Variants in IL23R observed in about 807,000 individuals in gnomAD.
IL23R encodes interleukin-23 receptor.
A neutral mutation model predicts 56.9 loss-of-function variants in IL23R; 34 were observed. The ratio of observed to expected loss-of-function variants is 0.60; its 90% CI spans 0.45 to 0.80. The LOEUF is 0.80. Ranked by LOEUF, IL23R falls within the 30% of genes least tolerant of loss-of-function variation. The probability of loss-of-function intolerance (pLI) is 0.00; values close to 1 mark genes in which losing one functional copy is unlikely to be tolerated. For synonymous variants in IL23R, 230 were observed against 249.2 expected (o/e 0.92, Z 0.73); for missense variants, 635 against 730.0 (o/e 0.87, Z 1.50).
At chr1:67,218,948 A>AT (rs1650054056) in intron 6 of IL23R, among the ~76,000 whole-genome samples, 1 of 151,166 alleles carries the variant, frequency 6.6e-6, no homozygotes. Context: ...TAAAATAAAA[A>AT]ATATATATAT....
intron 1 of IL23R, among the ~76,000 whole-genome samples, chr1:67,141,174 T>G (rs1646633860): frequency 6.6e-6 from 1 of 152,204 alleles, no homozygotes; most frequent in South Asian, 2.1e-4. Context: ...AGACAAAGTA[T>G]AAGTCTCTGT....
intron 7 of IL23R, among the ~76,000 whole-genome samples, chr1:67,228,519 A>G (rs2201841): frequency 0.29 from 43,236 of 151,464 alleles, 7,312 homozygotes; most frequent in East Asian, 0.72. Context: ...TTTTTCTTGA[A>G]GTCATCATCT....
At chr1:67,193,083 C>G (rs1382224087) in intron 4 of IL23R, among the ~76,000 whole-genome samples, 2 of 152,182 alleles carry the variant, frequency 1.3e-5, no homozygotes, top group African/African-American at 2.4e-5. Context: ...GACCTCCTTG[C>G]TGCTCTTTGA....
chr1:67,260,773 T>C (rs1362531587), downstream of IL23R, among the ~76,000 whole-genome samples: 3 of 152,168 alleles, frequency 2.0e-5, no homozygotes, highest in Non-Finnish European at 2.9e-5. Context: ...AATTCATGCC[T>C]ATAGTCCTAG....
intron 7 of IL23R, among the ~76,000 whole-genome samples, chr1:67,228,005 T>TCTTTCTTC (rs1650777850): frequency 9.1e-6 from 1 of 109,520 alleles, no homozygotes; most frequent in Non-Finnish European, 1.9e-5. Context: ...TTTCTTTCTT[T>TCTTTCTTC]CTTTCTTTCT....
At position 67,229,748 on chromosome 1, in the gene IL23R, C is replaced by G. The variant is rs114042600; in HGVS notation, c.956-6965C>G. Among the ~76,000 whole-genome samples, 110 of 152,306 alleles carry G rather than the reference C, an allele frequency of 7.2e-4. 1 individual carries two copies. The highest frequency in any genetic ancestry group is 2.5e-3 in the African/African-American group (105 of 41,560). On this transcript the variant is annotated intron_variant, in intron 7 of 10. Transcript: ENST00000347310. ...ATGCCAGAAAACCAGGATGAAGACA[C>G]AATATGTACTTCGTAATATTATAGT...
At chr1:67,167,947 C>A in intron 1 of IL23R, 145 bp from the exon 2 acceptor site, 1 of 595,764 alleles carries the variant, frequency 1.7e-6, no homozygotes, top group Non-Finnish European at 3.0e-6. Flanking sequence ...CTGTTTCCTT[C>A]CTTCCTTTCT....
intron 7 of IL23R, among the ~76,000 whole-genome samples, chr1:67,225,730 G>A (rs527442207): frequency 9.2e-5 from 14 of 151,666 alleles, no homozygotes; most frequent in African/African-American, 2.7e-4. Flanking sequence ...GGCTGGTCTC[G>A]AACTCCTGAC....
intron 9 of IL23R, among the ~76,000 whole-genome samples, chr1:67,254,326 C>T (rs191033986): frequency 1.4e-4 from 21 of 152,118 alleles, no homozygotes; most frequent in African/African-American, 4.6e-4. Context: ...GTCTTTGCCT[C>T]CCAAAGTGTT....
intron 4 of IL23R, among the ~76,000 whole-genome samples, chr1:67,196,541 T>TA (rs778004766): frequency 6.6e-6 from 1 of 152,048 alleles, no homozygotes. Flanking sequence ...ACCCTGTCTC[T>TA]AAAAAATAGA....
intron 1 of IL23R, among the ~76,000 whole-genome samples, chr1:67,152,048 T>C: frequency 6.6e-6 from 1 of 152,206 alleles, no homozygotes; most frequent in East Asian, 1.9e-4. Flanking sequence ...TAAATTACTT[T>C]GGGCACTATG....
At chr1:67,228,709 T>C (rs1482614934) in intron 7 of IL23R, among the ~76,000 whole-genome samples, 1 of 152,160 alleles carries the variant, frequency 6.6e-6, no homozygotes, top group Admixed American at 6.5e-5. Context: ...AGAATCAGTT[T>C]CATTGCTTTT....
At chr1:67,158,661 G>A (rs1045842261) in intron 1 of IL23R, among the ~76,000 whole-genome samples, 3 of 152,110 alleles carry the variant, frequency 2.0e-5, no homozygotes, top group Non-Finnish European at 4.4e-5. Flanking sequence ...ACCTGTTTTA[G>A]CTAGTCCTCA....
At chr1:67,250,852 A>G (rs1232274078) in intron 9 of IL23R, among the ~76,000 whole-genome samples, 1 of 152,244 alleles carries the variant, frequency 6.6e-6, no homozygotes, top group Non-Finnish European at 1.5e-5. Context: ...GAGCCCATCA[A>G]GAAATGGCTA....
chr1:67,228,161 T>TCCTTCCTG (rs1428889534), intron 7 of IL23R, among the ~76,000 whole-genome samples: 2 of 99,446 alleles, frequency 2.0e-5, no homozygotes, highest in Non-Finnish European at 2.2e-5. Context: ...TTTCCTTCCT[T>TCCTTCCTG]CCTTCCTTCC....
At chr1:67,236,545 A>T (rs2100312079) in intron 7 of IL23R, among the ~76,000 whole-genome samples, 168 bp from the exon 8 acceptor site, 1 of 152,368 alleles carries the variant, frequency 6.6e-6, no homozygotes, top group Middle Eastern at 3.4e-3. Flanking sequence ...TAAAAAGAAG[A>T]AGAAAAGACA....
intron 9 of IL23R, among the ~76,000 whole-genome samples, chr1:67,244,171 T>C (rs1412078691): frequency 2.0e-5 from 3 of 152,224 alleles, no homozygotes; most frequent in African/African-American, 7.2e-5. Flanking sequence ...GTTTGTTTTC[T>C]TGTAAATTTG....
chr1:67,178,256 A>G (rs2102571468), intron 3 of IL23R, among the ~76,000 whole-genome samples: 1 of 152,172 alleles, frequency 6.6e-6, no homozygotes, highest in Non-Finnish European at 1.5e-5. Context: ...ATGAGCATGG[A>G]ATGTTCTTCC....
intron 3 of IL23R, among the ~76,000 whole-genome samples, chr1:67,176,669 T>C (rs928458646): frequency 2.0e-5 from 3 of 152,176 alleles, no homozygotes; most frequent in Non-Finnish European, 4.4e-5. Context: ...AGTTTTAGGG[T>C]ACATGTGCAC....
Sources: allele counts gnomAD v4.1 joint callset (sites outside exome capture counted in the v4.1 genomes callset), GRCh38; gene constraint gnomAD v4.1.1; transcripts MANE v1.5; gene names NCBI Gene and HGNC (gene_info 2026-07-23, HGNC 2026-07-21).